The following CAMKMT variants were observed in gnomAD, a reference collection of about 807,000 sequenced individuals.
The protein encoded by CAMKMT is calmodulin-lysine N-methyltransferase.
In CAMKMT, 53 loss-of-function variants were observed where a neutral mutation model predicts 48.0. That is an observed-to-expected ratio of 1.10 (90% CI 0.89 to 1.39). CAMKMT has a LOEUF of 1.39. Ranked by LOEUF, CAMKMT falls within the 40% of genes most tolerant of loss-of-function variation. The pLI is 0.00. For missense variants in CAMKMT, 428 were observed against 402.7 expected (o/e 1.06, Z -0.54); for synonymous variants, 165 against 152.3 (o/e 1.08, Z -0.61).
chr2:44,672,701 A>C (rs1380861049), intron 3 of CAMKMT, among the ~76,000 whole-genome samples: 2 of 152,152 alleles, frequency 1.3e-5, no homozygotes, highest in African/African-American at 4.8e-5. Context: ...CCAGATATCA[A>C]CCAAGCTCTG....
At chr2:44,639,839 G>A (rs1472063971) in intron 3 of CAMKMT, among the ~76,000 whole-genome samples, 2 of 152,116 alleles carry the variant, frequency 1.3e-5, no homozygotes, top group African/African-American at 4.8e-5. Flanking sequence ...AATTATATAA[G>A]GACATCAGGG....
chr2:44,527,088 G>A (rs1572718431), intron 3 of CAMKMT, among the ~76,000 whole-genome samples: 1 of 130,634 alleles, frequency 7.7e-6, no homozygotes, highest in South Asian at 2.4e-4. Flanking sequence ...ACCACCCCCA[G>A]TTTTTTTTTT....
chr2:44,719,875 C>G (rs527366009), intron 7 of CAMKMT, among the ~76,000 whole-genome samples: 2 of 152,292 alleles, frequency 1.3e-5, no homozygotes, highest in African/African-American at 4.8e-5. Flanking sequence ...TGAAGGCTCT[C>G]TTTAAGAAAT....
At chr2:44,660,876 G>A (rs1483834741) in intron 3 of CAMKMT, among the ~76,000 whole-genome samples, 1 of 152,062 alleles carries the variant, frequency 6.6e-6, no homozygotes, top group Non-Finnish European at 1.5e-5. Context: ...CCCACACCTG[G>A]CCACCACACC....
chr2:44,647,413 AACAATC>A (rs748927490), intron 3 of CAMKMT, among the ~76,000 whole-genome samples: 16 of 152,308 alleles, frequency 1.1e-4, no homozygotes, highest in South Asian at 2.1e-4. Flanking sequence ...AAGTGCAGTG[AACAATC>A]ACCAACAGAC....
intron 3 of CAMKMT, among the ~76,000 whole-genome samples, chr2:44,422,981 G>T (rs1487498083): frequency 6.6e-6 from 1 of 152,066 alleles, no homozygotes; most frequent in Non-Finnish European, 1.5e-5. Context: ...TACACCTTCA[G>T]TCTCAGATTT....
At chr2:44,770,650 C>A (rs1189136102) in intron 10 of CAMKMT, among the ~76,000 whole-genome samples, 1 of 152,118 alleles carries the variant, frequency 6.6e-6, no homozygotes, top group African/African-American at 2.4e-5. Context: ...CAACTGGCAA[C>A]AAAAGTATTT....
At chr2:44,457,510 C>A (rs905706849) in intron 3 of CAMKMT, among the ~76,000 whole-genome samples, 16 of 151,728 alleles carry the variant, frequency 1.1e-4, no homozygotes, top group African/African-American at 3.6e-4. Flanking sequence ...GCGATTCTCC[C>A]ACCTCAGCCT....
intron 10 of CAMKMT, among the ~76,000 whole-genome samples, chr2:44,768,364 T>TTA (rs1558844496): frequency 4.3e-5 from 6 of 139,478 alleles, no homozygotes; most frequent in Non-Finnish European, 7.8e-5. Context: ...TATATATATT[T>TTA]TTTTTTTTTT....
At chr2:44,433,818 C>G (rs1684789586) in intron 3 of CAMKMT, among the ~76,000 whole-genome samples, 1 of 151,952 alleles carries the variant, frequency 6.6e-6, no homozygotes, top group South Asian at 2.1e-4. Context: ...ATTATTTTTC[C>G]TCAATTTAAG....
chr2:44,500,376 A>C (rs1669948307), intron 3 of CAMKMT, among the ~76,000 whole-genome samples: 1 of 152,216 alleles, frequency 6.6e-6, no homozygotes, highest in Non-Finnish European at 1.5e-5. Flanking sequence ...CAGACTTCAA[A>C]AACATTGTTC....
intron 3 of CAMKMT, among the ~76,000 whole-genome samples, chr2:44,699,095 A>G (rs574833125): frequency 6.6e-6 from 1 of 152,116 alleles, no homozygotes; most frequent in Non-Finnish European, 1.5e-5. Context: ...TCTCAAAATC[A>G]TCCACGAATG....
intron 3 of CAMKMT, among the ~76,000 whole-genome samples, chr2:44,659,985 T>G (rs2104078194): frequency 6.6e-6 from 1 of 152,302 alleles, no homozygotes; most frequent in Admixed American, 6.5e-5. Flanking sequence ...TTTATATGAG[T>G]TATATCTATC....
intron 3 of CAMKMT, among the ~76,000 whole-genome samples, chr2:44,634,058 A>G (rs1672986833): frequency 6.6e-6 from 1 of 152,122 alleles, no homozygotes; most frequent in Non-Finnish European, 1.5e-5. Context: ...ATTTAATAAT[A>G]TCTCTCTACT....
At chr2:44,550,691 A>G (rs1413745370) in intron 3 of CAMKMT, 1 of 152,190 alleles carries the variant, frequency 6.6e-6, no homozygotes, top group Non-Finnish European at 1.5e-5. Flanking sequence ...TTTCTGAACC[A>G]AAGGCATACT....
chr2:44,690,300 A>C (rs372341965), intron 3 of CAMKMT, among the ~76,000 whole-genome samples: 27 of 152,212 alleles, frequency 1.8e-4, no homozygotes, highest in African/African-American at 6.5e-4. Context: ...GAGGCCTCAG[A>C]AATCAATTCA....
intron 1 of CAMKMT, among the ~76,000 whole-genome samples, chr2:44,370,368 C>T (rs184843156): frequency 1.2e-4 from 19 of 152,134 alleles, no homozygotes; most frequent in Non-Finnish European, 1.6e-4. Flanking sequence ...TTAGACTATT[C>T]GGATTTTCCG....
chr2:44,623,668 C>A (rs1247510249), intron 3 of CAMKMT, among the ~76,000 whole-genome samples: 1 of 152,026 alleles, frequency 6.6e-6, no homozygotes, highest in Admixed American at 6.6e-5. Context: ...GTTCTTTATT[C>A]TGTTCCATTA....
intron 3 of CAMKMT, among the ~76,000 whole-genome samples, chr2:44,680,318 G>A (rs1675944286): frequency 6.6e-6 from 1 of 152,182 alleles, no homozygotes; most frequent in Non-Finnish European, 1.5e-5. Context: ...TTTCATGGGA[G>A]TGTGCTCAGC....
Sources: allele counts gnomAD v4.1 joint callset (sites outside exome capture counted in the v4.1 genomes callset), GRCh38; gene constraint gnomAD v4.1.1; transcripts MANE v1.5; gene names NCBI Gene and HGNC (gene_info 2026-07-23, HGNC 2026-07-21).